Variants in GSTCD observed in about 807,000 individuals in gnomAD.
GSTCD encodes glutathione S-transferase C-terminal domain-containing protein.
A neutral mutation model predicts 68.3 loss-of-function variants in GSTCD; 44 were observed. That is an observed-to-expected ratio of 0.64 (90% confidence interval 0.51 to 0.83). The LOEUF is 0.83. Ranked by LOEUF, GSTCD falls within the 40% of genes least tolerant of loss-of-function variation. The pLI is 0.00. For synonymous variants in GSTCD, 273 were observed against 255.2 expected (o/e 1.07, Z -0.67); for missense variants, 739 against 735.9 (o/e 1.00, Z -0.05).
At chr4:105,788,697 T>C (rs1735555429) in intron 5 of GSTCD, among the ~76,000 whole-genome samples, 1 of 152,078 alleles carries the variant, frequency 6.6e-6, no homozygotes, top group Non-Finnish European at 1.5e-5. Flanking sequence ...CAGAAAGAGC[T>C]TTAGAATAAA....
intron 5 of GSTCD, chr4:105,760,996 A>ATTTTTTTTTTTTTTTT (rs35581423): frequency 1.1e-5 from 2 of 174,968 alleles, no homozygotes; most frequent in Non-Finnish European, 1.9e-5. Context: ...TCCTTTTTTA[A>ATTTTTTTTTTTTTTTT]TTTTTTTTTT....
At chr4:105,730,526 T>G (rs1448621469) in intron 5 of GSTCD, among the ~76,000 whole-genome samples, 2 of 152,242 alleles carry the variant, frequency 1.3e-5, no homozygotes, top group African/African-American at 2.4e-5. Flanking sequence ...TGTCTTTGGC[T>G]GCATAAATGT....
At chr4:105,834,057 G>A (rs563415018) in intron 8 of GSTCD, among the ~76,000 whole-genome samples, 1 of 152,268 alleles carries the variant, frequency 6.6e-6, no homozygotes, top group African/African-American at 2.4e-5. Flanking sequence ...TTTTGCAACA[G>A]CATTGTGACA....
chr4:105,794,008 A>G (rs185608079), intron 5 of GSTCD, among the ~76,000 whole-genome samples: 1 of 152,124 alleles, frequency 6.6e-6, no homozygotes, highest in Non-Finnish European at 1.5e-5. Context: ...ATTTGGTATG[A>G]AAAGAGATGA....
chr4:105,744,036 C>T (rs1198944111), intron 5 of GSTCD, among the ~76,000 whole-genome samples: 1 of 152,132 alleles, frequency 6.6e-6, no homozygotes, highest in Non-Finnish European at 1.5e-5. Flanking sequence ...TATTATGTAA[C>T]CTATAGTCTG....
chr4:105,709,813 A>C (rs546534851), intron 1 of GSTCD, among the ~76,000 whole-genome samples: 1 of 152,332 alleles, frequency 6.6e-6, no homozygotes, highest in Non-Finnish European at 1.5e-5. Flanking sequence ...CTGTAAAAAC[A>C]ATGTTTACAG....
intron 5 of GSTCD, among the ~76,000 whole-genome samples, chr4:105,802,689 T>G (rs952170013): frequency 2.8e-4 from 43 of 152,228 alleles, no homozygotes; most frequent in South Asian, 8.3e-4. Context: ...CCCTTTAACT[T>G]CTTTTTTCTC....
chr4:105,781,239 A>T (rs77971120), intron 5 of GSTCD, among the ~76,000 whole-genome samples: 3,635 of 152,080 alleles, frequency 0.024, 48 homozygotes, highest in Middle Eastern at 0.051. Context: ...AACTTACTAA[A>T]TTTAATTTTC....
chr4:105,797,299 A>G (rs1735932795), intron 5 of GSTCD, among the ~76,000 whole-genome samples: 1 of 151,780 alleles, frequency 6.6e-6, no homozygotes, highest in African/African-American at 2.4e-5. Context: ...TCACACAAGG[A>G]TAGTTGTGTT....
At chr4:105,785,074 G>T (rs1735414895) in intron 5 of GSTCD, among the ~76,000 whole-genome samples, 1 of 152,132 alleles carries the variant, frequency 6.6e-6, no homozygotes, top group Non-Finnish European at 1.5e-5. Flanking sequence ...GTATATGTTT[G>T]TGTGTAATCA....
At chr4:105,775,119 T>C (rs1259936138) in intron 5 of GSTCD, among the ~76,000 whole-genome samples, 2 of 152,236 alleles carry the variant, frequency 1.3e-5, no homozygotes, top group Non-Finnish European at 2.9e-5. Flanking sequence ...CGTCAGTCTC[T>C]GATATCCTTT....
At chr4:105,760,410 AT>A (rs977442179) in intron 5 of GSTCD, among the ~76,000 whole-genome samples, 6 of 152,028 alleles carry the variant, frequency 3.9e-5, no homozygotes, top group African/African-American at 7.2e-5. Context: ...TAAAAGCATA[AT>A]TTTTTTTCTC....
At chr4:105,792,089 G>A (rs982539894) in intron 5 of GSTCD, among the ~76,000 whole-genome samples, 6 of 152,052 alleles carry the variant, frequency 3.9e-5, no homozygotes, top group Non-Finnish European at 5.9e-5. Flanking sequence ...GATCAGATTG[G>A]ACACTGCTCT....
intron 5 of GSTCD, among the ~76,000 whole-genome samples, chr4:105,762,381 ATTTG>A (rs1394328593): frequency 1.3e-5 from 2 of 152,190 alleles, no homozygotes; most frequent in Non-Finnish European, 2.9e-5. Context: ...GGAGTCAGTT[ATTTG>A]TTCTGGGTTA....
At chr4:105,808,335 A>T (rs1722604178) in intron 5 of GSTCD, among the ~76,000 whole-genome samples, 4 of 152,066 alleles carry the variant, frequency 2.6e-5, no homozygotes, top group Admixed American at 6.6e-5. Flanking sequence ...AGAACTCTAG[A>T]GTTATCCCTG....
intron 5 of GSTCD, among the ~76,000 whole-genome samples, chr4:105,817,324 C>T (rs895565014): frequency 1.3e-5 from 2 of 151,702 alleles, no homozygotes; most frequent in African/African-American, 4.8e-5. Flanking sequence ...TATAAATTAG[C>T]CTTTTTTAAC....
intron 5 of GSTCD, among the ~76,000 whole-genome samples, chr4:105,786,936 T>C (rs932849195): frequency 6.6e-6 from 1 of 152,022 alleles, no homozygotes; most frequent in Non-Finnish European, 1.5e-5. Flanking sequence ...ATTTTGACAG[T>C]CCCTTAAAGC....
intron 5 of GSTCD, among the ~76,000 whole-genome samples, chr4:105,798,412 T>A (rs1578484691): frequency 6.6e-6 from 1 of 151,802 alleles, no homozygotes; most frequent in African/African-American, 2.4e-5. Context: ...GATTGGCAAA[T>A]CCTTTCCAGA....
At chr4:105,760,589 G>C (rs1254782188) in intron 5 of GSTCD, among the ~76,000 whole-genome samples, 5 of 152,126 alleles carry the variant, frequency 3.3e-5, no homozygotes, top group African/African-American at 1.2e-4. Context: ...CCTTGGTTGG[G>C]AAATGGTCCA....
Sources: allele counts gnomAD v4.1 joint callset (sites outside exome capture counted in the v4.1 genomes callset), GRCh38; gene constraint gnomAD v4.1.1; transcripts MANE v1.5; gene names NCBI Gene and HGNC (gene_info 2026-07-23, HGNC 2026-07-21).